The following TEAD1 variants were observed in gnomAD, a reference collection of about 807,000 sequenced individuals.
TEAD1 encodes TEA domain transcription factor 1.
A neutral mutation model predicts 54.9 loss-of-function variants in TEAD1; 9 were observed. That is an observed-to-expected ratio of 0.16 (90% CI 0.10 to 0.29). The LOEUF (loss-of-function observed/expected upper bound fraction) is 0.29, where lower values mean the gene tolerates loss of function less well. TEAD1 is among the 10% of genes least tolerant of loss of function. The pLI, the probability that TEAD1 is intolerant of heterozygous loss-of-function variation, is 1.00. For synonymous variants in TEAD1, 200 were observed against 187.8 expected (o/e 1.07, Z -0.53); for missense variants, 387 against 535.9 (o/e 0.72, Z 2.74).
chr11:12,720,418 T>C (rs1306450087), intron 2 of TEAD1, among the ~76,000 whole-genome samples: 1 of 152,200 alleles, frequency 6.6e-6, no homozygotes, highest in Non-Finnish European at 1.5e-5. Flanking sequence ...AATTCTACAA[T>C]GCTTATAGTA....
intron 2 of TEAD1, among the ~76,000 whole-genome samples, chr11:12,745,489 G>C (rs1471054642): frequency 6.6e-6 from 1 of 151,464 alleles, no homozygotes; most frequent in African/African-American, 2.4e-5. Context: ...GGAGAGGGCT[G>C]TTTCTGAAAA....
At chr11:12,887,896 G>T (rs1177916295) in intron 9 of TEAD1, among the ~76,000 whole-genome samples, 3 of 152,300 alleles carry the variant, frequency 2.0e-5, no homozygotes, top group Non-Finnish European at 4.4e-5. Context: ...CTTTGCATTT[G>T]AATTCTCTAG....
chr11:12,797,787 C>T (rs1237437856), intron 3 of TEAD1, among the ~76,000 whole-genome samples: 1 of 152,104 alleles, frequency 6.6e-6, no homozygotes, highest in East Asian at 1.9e-4. Flanking sequence ...CTCTTGTTTT[C>T]TGGCTTGCTT....
intron 3 of TEAD1, chr11:12,823,302 C>G (rs1200796681): frequency 6.6e-6 from 1 of 152,226 alleles, no homozygotes; most frequent in African/African-American, 2.4e-5. Context: ...AGTTACTTGA[C>G]TTCTGAGCTC....
intron 3 of TEAD1, among the ~76,000 whole-genome samples, chr11:12,842,544 T>G (rs1345271554): frequency 6.6e-6 from 1 of 152,166 alleles, no homozygotes; most frequent in Non-Finnish European, 1.5e-5. Context: ...GCAGGGTGAC[T>G]TTTAAGAGAT....
chr11:12,932,294 A>G (rs1440101210), intron 12 of TEAD1, among the ~76,000 whole-genome samples: 1 of 152,236 alleles, frequency 6.6e-6, no homozygotes, highest in African/African-American at 2.4e-5. Flanking sequence ...TTGCTATCTA[A>G]GAATAGATGC....
intron 3 of TEAD1, among the ~76,000 whole-genome samples, chr11:12,768,241 G>C (rs1945246776): frequency 6.6e-6 from 1 of 152,146 alleles, no homozygotes; most frequent in Admixed American, 6.5e-5. Flanking sequence ...TTACTTCTCT[G>C]TCTCAATTTC....
intron 3 of TEAD1, among the ~76,000 whole-genome samples, chr11:12,768,408 A>G (rs1014833641): frequency 2.0e-5 from 3 of 152,126 alleles, no homozygotes; most frequent in African/African-American, 7.3e-5. Flanking sequence ...AACTGAAAAC[A>G]AAGAAGTGCT....
At chr11:12,767,035 A>G (rs1945221278) in intron 3 of TEAD1, among the ~76,000 whole-genome samples, 1 of 152,148 alleles carries the variant, frequency 6.6e-6, no homozygotes, top group South Asian at 2.1e-4. Flanking sequence ...GAAGGGAACC[A>G]TGGTGGTTAA....
chr11:12,900,001 G>T (rs1948395038), intron 9 of TEAD1, among the ~76,000 whole-genome samples: 1 of 152,196 alleles, frequency 6.6e-6, no homozygotes, highest in Non-Finnish European at 1.5e-5. Context: ...ATATTTCATA[G>T]GGTTTTGTGA....
chr11:12,914,970 A>G (rs1948684402), intron 10 of TEAD1, among the ~76,000 whole-genome samples: 1 of 152,378 alleles, frequency 6.6e-6, no homozygotes, highest in Middle Eastern at 3.4e-3. Flanking sequence ...CTCGGAGAGG[A>G]TGAAGAAGAG....
intron 3 of TEAD1, among the ~76,000 whole-genome samples, chr11:12,837,177 A>G (rs1946909864): frequency 6.6e-6 from 1 of 152,252 alleles, no homozygotes; most frequent in Non-Finnish European, 1.5e-5. Flanking sequence ...TGAGAGTAAA[A>G]GGGACGGTAT....
intron 2 of TEAD1, among the ~76,000 whole-genome samples, chr11:12,680,205 A>G (rs763909413): frequency 2.0e-5 from 3 of 152,166 alleles, no homozygotes; most frequent in Non-Finnish European, 2.9e-5. Flanking sequence ...CTTTCATCCC[A>G]GTGTCTGTAT....
Position 12,674,853 on chromosome 11 carries a change from C to A in TEAD1, c.-208+19C>A, listed in dbSNP as rs1943039737. On this transcript the variant is annotated intron_variant, in intron 1 of 12. Coordinates refer to ENST00000527636, the MANE Select transcript of TEAD1 (RefSeq NM_021961.6). ...GGCCGAGGTAAGTTGGCGCGCGGGG[C>A]GGATGCTGGGGTGCGGGGGGCGCAC... The A allele has an allele frequency of 6.9e-6, 1 of 145,680 alleles. No homozygotes were observed. The highest frequency in any genetic ancestry group is 6.8e-5 in the Admixed American group (1 of 14,782). 9.0% of individuals were successfully genotyped at this position (145,680 alleles called of 1,614,324 possible).
In TEAD1 at chr11:12,881,049, A is replaced by G; in HGVS notation, c.510A>G (p.Gln170=). 1.2e-6 allele frequency: 2 copies of G among 1,614,154 alleles called. No homozygotes were observed. The highest frequency in any genetic ancestry group is 1.7e-6 in the Non-Finnish European group (2 of 1,180,022). The change falls in exon 7 of 13, where the codon CAA becomes CAG. Residue 170 remains glutamine, a splice_region_variant and synonymous_variant. Coordinates refer to ENST00000527636, the MANE Select transcript of TEAD1 (RefSeq NM_021961.6). ...AAACAGGGCAGCCAGGATCCTCACA[A>G]GAGTAAGTCTGAGGAGGGGTGGGCA... is the stretch of plus-strand genomic sequence containing the variant.
At chr11:12,800,843 A>C (rs1234987069) in intron 3 of TEAD1, among the ~76,000 whole-genome samples, 1 of 152,178 alleles carries the variant, frequency 6.6e-6, no homozygotes, top group African/African-American at 2.4e-5. Flanking sequence ...GATTTCTAAG[A>C]GTCCTATATA....
chr11:12,809,974 CTTTTTTTTTTTTT>C (rs55647097), intron 3 of TEAD1, among the ~76,000 whole-genome samples: 178 of 115,646 alleles, frequency 1.5e-3, no homozygotes, highest in Non-Finnish European at 2.2e-3. Flanking sequence ...TTTCCCCATT[CTTTTTTTTTTTTT>C]TTTTTTTTTT....
rs770403811 is a variant in TEAD1, at chr11:12,902,035, A to G, written c.795A>G (p.Lys265=). The G allele has an allele frequency of 5.0e-6, 8 of 1,614,108 alleles. No individual in the cohort carries two copies. Among genetic ancestry groups the G allele is most frequent in the Admixed American group, 1.7e-5 (1 of 60,010 alleles). ...TGGACATTCGTCAGATTTATGACAAATTTCCTGAAAAGAAAGGTGGCTTAA... is the reference window on the plus strand; with the variant it reads ...TGGACATTCGTCAGATTTATGACAAGTTTCCTGAAAAGAAAGGTGGCTTAA... Residue 265 remains lysine (K), a synonymous_variant, in exon 10 of 13, where the codon AAA becomes AAG. Transcript: ENST00000527636.
intron 3 of TEAD1, among the ~76,000 whole-genome samples, chr11:12,800,354 G>T (rs1008698916): frequency 6.6e-6 from 1 of 152,228 alleles, no homozygotes; most frequent in Non-Finnish European, 1.5e-5. Flanking sequence ...GTTTAGTTCA[G>T]TGTAGCAAGC....
Sources: allele counts gnomAD v4.1 joint callset (sites outside exome capture counted in the v4.1 genomes callset), GRCh38; gene constraint gnomAD v4.1.1; transcripts MANE v1.5; gene names NCBI Gene and HGNC (gene_info 2026-07-23, HGNC 2026-07-21).